The following DIP2C variants were observed in gnomAD, a reference collection of about 807,000 sequenced individuals.
The protein encoded by DIP2C is disco-interacting protein 2 homolog C.
A neutral mutation model predicts 192.4 loss-of-function variants in DIP2C; 33 were observed. The observed-to-expected ratio is 0.17, with a 90% CI of 0.13 to 0.23. The LOEUF (loss-of-function observed/expected upper bound fraction) is 0.23, where lower values mean the gene tolerates loss of function less well. Among genes scored for constraint, DIP2C ranks in the 10% least tolerant of loss-of-function variants. The probability of loss-of-function intolerance (pLI) is 1.00; values close to 1 mark genes in which losing one functional copy is unlikely to be tolerated. For synonymous variants in DIP2C, 979 were observed against 864.1 expected, an observed-to-expected ratio of 1.13 and a Z score of -2.33; for missense variants, 1,537 against 2,110.1, an observed-to-expected ratio of 0.73 and a Z score of 5.32.
chr10:362,628 G>A lies in DIP2C; in HGVS notation c.2656C>T (p.Pro886Ser). 1 of 1,614,126 alleles carries A rather than the reference G, an allele frequency of 6.2e-7. No homozygotes were observed. Among genetic ancestry groups the A allele is most frequent in the African/African-American group, 1.3e-5 (1 of 75,042 alleles). Residue 886 changes from proline to serine, a missense_variant, in exon 22 of 37, where the codon CCC (proline) becomes TCC (serine). Around this residue, in one of 4 missense-constraint regions of DIP2C, gnomAD observed 677 missense variants for 989.9 expected, o/e 0.68. Transcript: ENST00000280886. ...TGGATCCCACCAAGCGGGGTTTTGG[G>A]GAGGGTGTTTGCTGGCACCAAGGCC... The part of the protein sequence containing the change: ...CLALVPANTL[P>S]KTPLGGIHLS...
intron 10 of DIP2C, among the ~76,000 whole-genome samples, 197 bp downstream of exon 10, chr10:398,912 C>T (rs1964195750): frequency 1.3e-5 from 2 of 152,202 alleles, no homozygotes; most frequent in South Asian, 4.1e-4. Flanking sequence ...ACGTTTGACC[C>T]CAAAGCAAGC....
intron 1 of DIP2C, among the ~76,000 whole-genome samples, chr10:509,368 G>A (rs973727752): frequency 1.3e-5 from 2 of 152,320 alleles, no homozygotes; most frequent in South Asian, 4.1e-4. Flanking sequence ...CCAGCAACAA[G>A]TATGTGAGCA....
chr10:440,398 C>T (rs1287460387), intron 4 of DIP2C, among the ~76,000 whole-genome samples: 1 of 152,218 alleles, frequency 6.6e-6, no homozygotes, highest in African/African-American at 2.4e-5. Context: ...AACTAAAATA[C>T]TATCTGGCAA....
intron 1 of DIP2C, among the ~76,000 whole-genome samples, chr10:545,085 G>A (rs555102557): frequency 3.3e-5 from 5 of 149,548 alleles, no homozygotes; most frequent in African/African-American, 1.2e-4. Context: ...AACTCAAAAT[G>A]TCACAGGGCC....
chr10:369,820 G>T, intron 17 of DIP2C, 187 bp from the exon 18 acceptor site: 1 of 1,292,680 alleles, frequency 7.7e-7, no homozygotes, highest in Non-Finnish European at 1.1e-6. Context: ...AGCTGGCAGC[G>T]AGTCTACTGC....
chr10:446,825 G>A (rs926787146), intron 3 of DIP2C, among the ~76,000 whole-genome samples: 1 of 152,178 alleles, frequency 6.6e-6, no homozygotes, highest in East Asian at 1.9e-4. Context: ...CTTCTGAGAT[G>A]ATAAAATGGG....
intron 8 of DIP2C, among the ~76,000 whole-genome samples, chr10:411,067 C>T (rs1329050870): frequency 6.6e-6 from 1 of 152,122 alleles, no homozygotes; most frequent in African/African-American, 2.4e-5. Context: ...GGGAAGGAGG[C>T]GGGAGCTTGA....
chr10:574,617 A>G (rs967875115), intron 1 of DIP2C, among the ~76,000 whole-genome samples: 1 of 152,200 alleles, frequency 6.6e-6, no homozygotes, highest in African/African-American at 2.4e-5. Context: ...AAACATACTC[A>G]AGAGACCCTG....
In DIP2C at chr10:689,334, G is replaced by A. The variant is rs567860966; in HGVS notation, c.85+160C>T. Among the ~76,000 whole-genome samples the A allele has an allele frequency of 1.7e-4, 26 of 151,534 alleles. No homozygotes were observed. Among genetic ancestry groups the A allele is most frequent in the Admixed American group, 6.6e-4 (10 of 15,250 alleles). The stretch of plus-strand genomic sequence containing the variant: ...GGCCTCACAAACGTCCCTAGGGCGC[G>A]GGGTCTGGGGGTCCGGGGGACGCGC... On this transcript the variant is annotated intron_variant, in intron 1 of 36. Coordinates refer to ENST00000280886, the MANE Select transcript of DIP2C (RefSeq NM_014974.3). This position sits in a 1 kb window ranked among gnomAD's most constrained non-coding sequence, Gnocchi z 6.1.
At chr10:424,937 A>G (rs1966475407) in intron 4 of DIP2C, among the ~76,000 whole-genome samples, 1 of 151,948 alleles carries the variant, frequency 6.6e-6, no homozygotes, top group African/African-American at 2.4e-5. Flanking sequence ...ACCAACGGTG[A>G]CTAATATGAC....
intron 8 of DIP2C, among the ~76,000 whole-genome samples, chr10:411,252 C>T (rs977816010): frequency 2.6e-5 from 4 of 152,176 alleles, no homozygotes; most frequent in Admixed American, 1.3e-4. Flanking sequence ...GCCAGATGAA[C>T]GTATAGGTCT....
At chr10:337,955 CGTG>C (rs1957946768) in intron 29 of DIP2C, among the ~76,000 whole-genome samples, 2 of 122,426 alleles carry the variant, frequency 1.6e-5, no homozygotes, top group Non-Finnish European at 3.4e-5. Flanking sequence ...CCTAGACAGT[CGTG>C]TGTGTGTGTG....
At chr10:536,390 G>C (rs1011762655) in intron 1 of DIP2C, among the ~76,000 whole-genome samples, 2 of 151,220 alleles carry the variant, frequency 1.3e-5, no homozygotes, top group African/African-American at 2.4e-5. Flanking sequence ...CCGGGGGCTA[G>C]AGTTGTATCT....
At chr10:439,049 T>G (rs1967504271) in intron 4 of DIP2C, among the ~76,000 whole-genome samples, 1 of 152,194 alleles carries the variant, frequency 6.6e-6, no homozygotes. Flanking sequence ...TTTTGCCATG[T>G]TTTCCGGGCT....
chr10:534,730 G>A (rs376813844), intron 1 of DIP2C, among the ~76,000 whole-genome samples: 9 of 148,564 alleles, frequency 6.1e-5, no homozygotes, highest in African/African-American at 2.0e-4. Flanking sequence ...ACTGCGGACT[G>A]CAGTGGCGCA....
rs756965473 is a variant in DIP2C, at chr10:408,971, G to A, written c.1104C>T (p.His368=). ...TGGGTTCCTGCTTTGTGCCTAATTT[G>A]TGTAGAATGCTGTAAGCGACCTTCA... ...RSMKVAYSIL[H]KLGTKQEPMV... Residue 368 remains histidine (H), a synonymous_variant, in exon 9 of 37, where the codon CAC becomes CAT. Transcript: ENST00000280886. 1.2e-6 allele frequency: 2 copies of A among 1,614,212 alleles called. No homozygotes were observed. The highest frequency in any genetic ancestry group is 1.1e-5 in the South Asian group (1 of 91,084).
chr10:529,000 C>T (rs1042510493), intron 1 of DIP2C, among the ~76,000 whole-genome samples: 2 of 152,198 alleles, frequency 1.3e-5, no homozygotes, highest in East Asian at 1.9e-4. Context: ...AGACACCTGA[C>T]GGGGATGGTG....
intron 23 of DIP2C, 57 bp from the exon 24 acceptor site, chr10:356,563 G>A: frequency 2.0e-6 from 3 of 1,495,984 alleles, no homozygotes; most frequent in Non-Finnish European, 2.7e-6. Flanking sequence ...GGCTGTGCGG[G>A]CTGAGGTGGG....
chr10:570,342 G>A (rs138073915), intron 1 of DIP2C, among the ~76,000 whole-genome samples: 498 of 152,326 alleles, frequency 3.3e-3, no homozygotes, highest in Middle Eastern at 0.01. Context: ...GGGCCCTGCT[G>A]ACACAGGAGC....
Sources: gnomAD v4.1 joint callset for allele counts (sites outside exome capture counted in the v4.1 genomes callset) on GRCh38, gnomAD v4.1.1 for gene constraint, gnomAD v4.1.1 regional missense constraint, Gnocchi (gnomAD v3.1) non-coding constraint, MANE v1.5 for transcripts, NCBI Gene and HGNC (gene_info 2026-07-23, HGNC 2026-07-21) for gene names.